GRID2IP: variants seen among roughly 807,000 people sequenced by gnomAD.
GRID2IP encodes the protein delphilin.
GRID2IP carries 78 observed loss-of-function variants against 114.3 expected under a neutral mutation model. That is an observed-to-expected ratio of 0.68 (90% CI 0.57 to 0.82). GRID2IP has a LOEUF of 0.82. Among genes scored for constraint, GRID2IP ranks in the 40% least tolerant of loss-of-function variants. The pLI is 0.00. For missense variants in GRID2IP, 1,727 were observed against 1,678.5 expected, an observed-to-expected ratio of 1.03 and a Z score of -0.51; for synonymous variants, 809 against 724.0, an observed-to-expected ratio of 1.12 and a Z score of -1.89.
intron 18 of GRID2IP, among the ~76,000 whole-genome samples, chr7:6,502,506 C>T (rs1230584916): frequency 6.6e-6 from 1 of 152,194 alleles, no homozygotes; most frequent in Non-Finnish European, 1.5e-5. Flanking sequence ...TGAGCCACCA[C>T]ACCCAGCCCA....
intron 18 of GRID2IP, among the ~76,000 whole-genome samples, chr7:6,502,395 T>C (rs1461471563): frequency 3.3e-5 from 5 of 152,132 alleles, no homozygotes; most frequent in Non-Finnish European, 7.4e-5. Context: ...CTAATTATTT[T>C]TGTAGAACTG....
In GRID2IP at chr7:6,551,251, G is replaced by A. The variant is rs1200862109; in HGVS notation, c.186C>T (p.Arg62=). The A allele has an allele frequency of 9.8e-6, 15 of 1,533,454 alleles. No homozygotes were observed. Among genetic ancestry groups the A allele is most frequent in the Non-Finnish European group, 9.6e-6 (11 of 1,145,014 alleles). The allele number at this position is 1,533,454 out of a possible 1,614,324, so 95.0% of individuals were successfully genotyped here. ...VEGLAVGGLS[R]ERLVRLARRC... is the part of the protein sequence containing the mutation. The stretch of plus-strand genomic sequence containing the variant: ...GCCGTGCCAGGCGCACGAGGCGCTC[G>A]CGGCTCAGACCGCCCACCGCCAGCC... The change falls in exon 1 of 22, where the codon CGC becomes CGT. Residue 62 remains arginine, a synonymous_variant. Coordinates refer to ENST00000457091, the MANE Select transcript of GRID2IP (RefSeq NM_001145118.2).
At chr7:6,522,807 A>ATGTGTGTGTGTGTGTGTGTGTGTGTG (rs72277817) in intron 4 of GRID2IP, among the ~76,000 whole-genome samples, 5 of 147,686 alleles carry the variant, frequency 3.4e-5, no homozygotes, top group African/African-American at 5.0e-5. Flanking sequence ...CCTGGCTAAT[A>ATGTGTGTGTGTGTGTGTGTGTGTGTG]TGTGTGTGTG....
intron 1 of GRID2IP, 105 bp downstream of exon 1, chr7:6,550,903 G>A: frequency 8.5e-7 from 1 of 1,170,830 alleles, no homozygotes; most frequent in Non-Finnish European, 1.1e-6. Flanking sequence ...TCTGACCCCA[G>A]AAGTTTCCTT....
rs187868790 is a variant in GRID2IP at position 6,514,502 on chromosome 7, G to C, written c.1296C>G (p.Val432=). ...TGGCAGGGGTGTCCAGCACAGGGTA[G>C]ACGTCAACGATGAGGGTGTCGATGT... is the stretch of plus-strand genomic sequence containing the variant. The part of the protein sequence containing the change: ...HRNIDTLIVD[V]YPVLDTPAKQ... The change falls in exon 8 of 22, where the codon GTC becomes GTG. Residue 432 remains valine (V), a synonymous_variant. Transcript: ENST00000457091. 193 of 1,538,512 alleles carry C rather than the reference G, an allele frequency of 1.3e-4. No individual in the cohort carries two copies. In the African/African-American group the frequency reaches 2.4e-3, roughly 19 times the overall value.
rs1453198338 is a variant in GRID2IP, at chr7:6,505,802, G to A, written c.2632+18C>T. 3.3e-6 allele frequency: 5 copies of A among 1,525,718 alleles called. No individual in the cohort carries two copies. In the Admixed American group the frequency reaches 5.9e-5, roughly 18 times the overall value. 94.5% of individuals were successfully genotyped at this position (1,525,718 alleles called of 1,614,324 possible). A position where few individuals can be genotyped will look rare whatever the true frequency, so the allele number is the denominator to read the frequency against. The stretch of plus-strand genomic sequence containing the variant: ...GGTGTGGTATCTGGGGTTCCCCCAA[G>A]GCCATCAGGCCACTCACTAGCAGGT... On this transcript the variant is annotated intron_variant, in intron 14 of 21. Transcript: ENST00000457091.
In GRID2IP at chr7:6,507,834, G is replaced by C; in HGVS notation, c.2544+151C>G. On this transcript the variant is annotated intron_variant, in intron 13 of 21. Transcript: ENST00000457091. This position sits in a 1 kb window ranked among gnomAD's most constrained non-coding sequence, Gnocchi z 5.3. ...ATGCCTGCAGTGGCCCCCAAGCGTG[G>C]GGACGTTCTTGGGCTGGGCCTCTAC... 3.2e-6 allele frequency: 4 copies of C among 1,256,048 alleles called. No homozygotes were observed. Among genetic ancestry groups the C allele is most frequent in the Non-Finnish European group, 4.3e-6 (4 of 937,976 alleles). The allele number at this position is 1,256,048 out of a possible 1,614,324, so 77.8% of individuals were successfully genotyped here. A position where few individuals can be genotyped will look rare whatever the true frequency, so the allele number is the denominator to read the frequency against.
intron 1 of GRID2IP, among the ~76,000 whole-genome samples, chr7:6,546,818 TG>T (rs1779896079): frequency 6.6e-6 from 1 of 152,156 alleles, no homozygotes; most frequent in South Asian, 2.1e-4. Context: ...TCTTGCATCC[TG>T]CCCTGTTTGG....
At chr7:6,530,944 C>T in intron 2 of GRID2IP, 1 of 519,398 alleles carries the variant, frequency 1.9e-6, no homozygotes, top group Non-Finnish European at 3.4e-6. Context: ...TCGGAGGGTG[C>T]CCACCCAGGG....
In GRID2IP at chr7:6,538,364, TCAAAACAAAACAAAA is replaced by T. The variant is rs57880924; in HGVS notation, c.584+1339_584+1353del. Reference sequence around the variant, plus strand: ...CTGGGTGACAGAGCGAGACCCTGTCTCAAAACAAAACAAAACAAAACAAAACAAAACAAAACAAAA... The same window carrying T: ...CTGGGTGACAGAGCGAGACCCTGTCTCAAAACAAAACAAAACAAAACAAAA... On this transcript the variant is annotated intron_variant, in intron 2 of 21. Transcript: ENST00000457091. 5.7e-3 allele frequency among the ~76,000 whole-genome samples: 816 copies of T among 144,136 alleles called. 9 individuals carry two copies. The highest frequency in any genetic ancestry group is 0.014 in the Admixed American group (200 of 14,166). 94.6% of individuals were successfully genotyped at this position (144,136 alleles called of 152,430 possible).
chr7:6,498,040 C>T lies in GRID2IP; in HGVS notation c.3564+24G>A, dbSNP rs139190691. The T allele has an allele frequency of 4.6e-6, 7 of 1,527,156 alleles. No individual in the cohort carries two copies. The African/African-American group carries it at 9.7e-5, about 21-fold the overall frequency. The allele number at this position is 1,527,156 out of a possible 1,614,324, so 94.6% of individuals were successfully genotyped here. A position where few individuals can be genotyped will look rare whatever the true frequency, so the allele number is the denominator to read the frequency against. ...TGGCCCCCACCTCTCCAAAAGGGCC[C>T]CTCAGGGCTCCAGCGAGGCTCACCT... On this transcript the variant is annotated intron_variant, in intron 21 of 21. Transcript: ENST00000457091.
chr7:6,550,922 C>T lies in GRID2IP; in HGVS notation c.429+86G>A, dbSNP rs971115331. The T allele has an allele frequency of 1.1e-5, 13 of 1,188,388 alleles. No individual in the cohort carries two copies. The African/African-American group carries it at 2.1e-4, about 19-fold the overall frequency. The allele number at this position is 1,188,388 out of a possible 1,614,324, so 73.6% of individuals were successfully genotyped here. On this transcript the variant is annotated intron_variant, in intron 1 of 21. Coordinates refer to ENST00000457091, the MANE Select transcript of GRID2IP (RefSeq NM_001145118.2). ...ACCCCAGAAGTTTCCTTACCTCTGG[C>T]CCTGGGAGAGCGGCGCCCGGCCCAC...
chr7:6,507,890 G>T lies in GRID2IP; in HGVS notation c.2544+95C>A. 6.7e-7 allele frequency: 1 copy of T among 1,497,284 alleles called. No individual in the cohort carries two copies. The allele number at this position is 1,497,284 out of a possible 1,614,324, so 92.7% of individuals were successfully genotyped here. On this transcript the variant is annotated intron_variant, in intron 13 of 21. Transcript: ENST00000457091. This position sits in a 1 kb window ranked among gnomAD's most constrained non-coding sequence, Gnocchi z 5.3. ...CTCTGCTTGGGGTAGGGAGGATGATGTTGGAAGATGCCTGGCCGATGGGTT... is the reference window on the plus strand; with the variant it reads ...CTCTGCTTGGGGTAGGGAGGATGATTTTGGAAGATGCCTGGCCGATGGGTT...
chr7:6,506,528 C>T lies in GRID2IP; in HGVS notation c.2545-621G>A, dbSNP rs765655320. On this transcript the variant is annotated intron_variant, in intron 13 of 21. Coordinates refer to ENST00000457091, the MANE Select transcript of GRID2IP (RefSeq NM_001145118.2). The surrounding 1 kb of genome is among the most constrained non-coding windows in gnomAD (Gnocchi z 5.2). ...CACTGAGGATGGATTTGGGTTTGGC[C>T]ACATGTGTGACCTGTGTCCCTGTGT... Among the ~76,000 whole-genome samples, 1 of 152,148 alleles carries T rather than the reference C, an allele frequency of 6.6e-6. No homozygotes were observed. The highest frequency in any genetic ancestry group is 1.5e-5 in the Non-Finnish European group (1 of 68,012).
rs547212302 is a variant in GRID2IP, at chr7:6,510,417, G to GA, written c.1654-18dup. ...GGCTGACATCTGGAGGGAGACGGGGGAGAGTCCAGCCCATTCTGCTTCCCC... is the reference window on the plus strand; with the variant it reads ...GGCTGACATCTGGAGGGAGACGGGGGAAGAGTCCAGCCCATTCTGCTTCCCC... On this transcript the variant is annotated splice_polypyrimidine_tract_variant and intron_variant, in intron 10 of 21. Coordinates refer to ENST00000457091, the MANE Select transcript of GRID2IP (RefSeq NM_001145118.2). The GA allele has an allele frequency of 1.3e-5, 20 of 1,500,448 alleles. No homozygotes were observed. The highest frequency in any genetic ancestry group is 1.4e-5 in the Non-Finnish European group (16 of 1,117,106). The allele number at this position is 1,500,448 out of a possible 1,614,324, so 92.9% of individuals were successfully genotyped here.
intron 4 of GRID2IP, 55 bp from the exon 5 acceptor site, chr7:6,522,012 A>G: frequency 1.5e-6 from 2 of 1,367,044 alleles, no homozygotes; most frequent in Non-Finnish European, 2.0e-6. Flanking sequence ...CCACTTTGAG[A>G]GCAGGATGCT....
rs1179273615 is a variant in GRID2IP, at chr7:6,526,550, G to A, written c.804C>T (p.Gly268=). The A allele has an allele frequency of 2.5e-6, 3 of 1,220,782 alleles. No homozygotes were observed. The highest frequency in any genetic ancestry group is 3.7e-5 in the South Asian group (1 of 26,848). The allele number at this position is 1,220,782 out of a possible 1,614,324, so 75.6% of individuals were successfully genotyped here. Residue 268 remains glycine, a synonymous_variant, in exon 3 of 22, where the codon GGC becomes GGT. Coordinates refer to ENST00000457091, the MANE Select transcript of GRID2IP (RefSeq NM_001145118.2). This position sits in a 1 kb window ranked among gnomAD's most constrained non-coding sequence, Gnocchi z 7.6. ...GCGCGCCCCCGGGGCCGGCGAGGCC[G>A]CCCACCAGCAAGGAGGCCCTGCGCG... The part of the protein sequence containing the change: ...PPPRRASLLV[G]GLAGPGGARR...
chr7:6,503,371 C>A, intron 16 of GRID2IP, 120 bp downstream of exon 16: 1 of 1,110,868 alleles, frequency 9.0e-7, no homozygotes. Context: ...TAAACTGGGA[C>A]TCAGAGGCTT....
chr7:6,537,265 C>G (rs1048119772), intron 2 of GRID2IP, among the ~76,000 whole-genome samples: 1 of 150,532 alleles, frequency 6.6e-6, no homozygotes, highest in African/African-American at 2.4e-5. Flanking sequence ...GAGAGCAGGC[C>G]GGGCACGGTG....
Sources: gnomAD v4.1 joint callset for allele counts (sites outside exome capture counted in the v4.1 genomes callset) on GRCh38, gnomAD v4.1.1 for gene constraint, Gnocchi (gnomAD v3.1) non-coding constraint, MANE v1.5 for transcripts, NCBI Gene and HGNC (gene_info 2026-07-23, HGNC 2026-07-21) for gene names.